PTPRN2: variants seen among roughly 807,000 people sequenced by gnomAD.
The protein encoded by PTPRN2 is protein tyrosine phosphatase receptor type N2.
PTPRN2 carries 74 observed loss-of-function variants against 118.8 expected under a neutral mutation model. The observed-to-expected ratio is 0.62, with a 90% CI of 0.52 to 0.76. The LOEUF (loss-of-function observed/expected upper bound fraction) is 0.76. PTPRN2 is among the 30% of genes least tolerant of loss of function. The pLI is 0.00. For synonymous variants in PTPRN2, 641 were observed against 608.0 expected, an observed-to-expected ratio of 1.05 and a Z score of -0.80; for missense variants, 1,481 against 1,394.4, an observed-to-expected ratio of 1.06 and a Z score of -0.99.
At chr7:158,190,478 C>A (rs1412241166) in intron 5 of PTPRN2, among the ~76,000 whole-genome samples, 1 of 152,224 alleles carries the variant, frequency 6.6e-6, no homozygotes, top group Non-Finnish European at 1.5e-5. Context: ...GGCTTTGGGG[C>A]ATGTTTTTCA....
At chr7:157,771,568 G>A (rs1802805547) in intron 12 of PTPRN2, among the ~76,000 whole-genome samples, 1 of 152,184 alleles carries the variant, frequency 6.6e-6, no homozygotes, top group Non-Finnish European at 1.5e-5. Flanking sequence ...TGCCCTCAGG[G>A]AGCTTACAAC....
At chr7:158,058,692 C>T (rs1309409473) in intron 11 of PTPRN2, among the ~76,000 whole-genome samples, 4 of 94,602 alleles carry the variant, frequency 4.2e-5, no homozygotes, top group South Asian at 5.4e-4. Flanking sequence ...CATCTGCCCA[C>T]GGTGACACAT....
At chr7:158,203,652 C>T (rs1361608159) in intron 4 of PTPRN2, among the ~76,000 whole-genome samples, 4 of 152,090 alleles carry the variant, frequency 2.6e-5, no homozygotes, top group African/African-American at 9.7e-5. Flanking sequence ...TTCTTCCAGC[C>T]CTCTATTTTT....
At position 158,151,515 on chromosome 7, in the gene PTPRN2, C is replaced by CTCCCTGCCCAT. The variant is rs1821147439; in HGVS notation, c.911-13001_911-13000insATGGGCAGGGA. Among the ~76,000 whole-genome samples, 12 of 12,098 alleles carry CTCCCTGCCCAT rather than the reference C, an allele frequency of 9.9e-4. 1 individual carries two copies. Among genetic ancestry groups the CTCCCTGCCCAT allele is most frequent in the Non-Finnish European group, 1.5e-3 (8 of 5,390 alleles). 7.9% of individuals were successfully genotyped at this position (12,098 alleles called of 152,430 possible). On this transcript the variant is annotated intron_variant, in intron 6 of 22. Transcript: ENST00000389418. The stretch of plus-strand genomic sequence containing the variant: ...CCACACCGCCCGCCTTTCTGCTCCT[C>CTCCCTGCCCAT]ACCGCACGTCCTACTCCAGGCGATC...
At position 157,617,075 on chromosome 7, in the gene PTPRN2, T is replaced by TA. The variant is rs1802821764; in HGVS notation, c.2344+4286_2344+4287insT. 6.6e-6 allele frequency: 1 copy of TA among 152,296 alleles called. No individual in the cohort carries two copies. The highest frequency in any genetic ancestry group is 1.5e-5 in the Non-Finnish European group (1 of 68,078). The allele number at this position is 152,296 out of a possible 1,614,324, so 9.4% of individuals were successfully genotyped here. On this transcript the variant is annotated intron_variant, in intron 15 of 22. Coordinates refer to ENST00000389418, the MANE Select transcript of PTPRN2 (RefSeq NM_002847.5). The surrounding 1 kb of genome is among the most constrained non-coding windows in gnomAD (Gnocchi z 7.5). ...CACTGGGGAGTCTGGATTTCAGCTCTGACGGGCGGGCTCTAAACCCCAAAG... is the reference window on the plus strand; with the variant it reads ...CACTGGGGAGTCTGGATTTCAGCTCTAGACGGGCGGGCTCTAAACCCCAAAG...
chr7:158,070,513 G>C (rs1811195223), intron 11 of PTPRN2, among the ~76,000 whole-genome samples: 1 of 141,764 alleles, frequency 7.1e-6, no homozygotes, highest in African/African-American at 2.8e-5. Flanking sequence ...TGGTGGTGGA[G>C]GTGCTCCTGG....
intron 11 of PTPRN2, among the ~76,000 whole-genome samples, chr7:157,934,655 G>A (rs1799592871): frequency 1.3e-5 from 2 of 152,216 alleles, no homozygotes; most frequent in African/African-American, 4.8e-5. Context: ...ACTTGGCGAT[G>A]ATGAGCAAAG....
chr7:158,407,193 G>C (rs370337645), intron 2 of PTPRN2, among the ~76,000 whole-genome samples: 1,103 of 27,228 alleles, frequency 0.041, 27 homozygotes, highest in East Asian at 0.16. Context: ...CTGGGTCCTG[G>C]GTCCTGGGTC....
At chr7:157,769,743 C>CGCGTTCCT (rs376405051) in intron 12 of PTPRN2, among the ~76,000 whole-genome samples, 10 of 152,348 alleles carry the variant, frequency 6.6e-5, no homozygotes, top group African/African-American at 2.4e-4. Context: ...TGTGGCTCAG[C>CGCGTTCCT]GCGTTCCTGC....
intron 12 of PTPRN2, among the ~76,000 whole-genome samples, chr7:157,821,372 T>C (rs1269937031): frequency 1.3e-5 from 2 of 152,180 alleles, no homozygotes; most frequent in Non-Finnish European, 2.9e-5. Context: ...TTTGGAGTTA[T>C]ACAGATGAAT....
chr7:157,670,787 C>CCACAGGCTGAACCTTGCTTTT (rs1796370892), intron 13 of PTPRN2, among the ~76,000 whole-genome samples: 1 of 152,242 alleles, frequency 6.6e-6, no homozygotes, highest in African/African-American at 2.4e-5. Flanking sequence ...TTGAGAGGCC[C>CCACAGGCTGAACCTTGCTTTT]CACAGGCTGA....
At chr7:157,775,619 C>T (rs1803158291) in intron 12 of PTPRN2, among the ~76,000 whole-genome samples, 1 of 152,188 alleles carries the variant, frequency 6.6e-6, no homozygotes, top group Non-Finnish European at 1.5e-5. Context: ...GGGAGTCGCC[C>T]AGGACAGCAA....
rs114325523 is a variant in PTPRN2 at position 158,157,752 on chromosome 7, C to T, written c.910+9179G>A. On this transcript the variant is annotated intron_variant, in intron 6 of 22. Transcript: ENST00000389418. ...GCTATATAAGCCACAGAGTGACCCC[C>T]CCAGCACCCCGGGTGCCCTCTCCTG... Among the ~76,000 whole-genome samples the T allele has an allele frequency of 7.0e-3, 1,073 of 152,314 alleles. 12 individuals carry two copies. The highest frequency in any genetic ancestry group is 0.024 in the African/African-American group (1,014 of 41,564).
chr7:157,624,281 C>T (rs1466127700), intron 14 of PTPRN2, among the ~76,000 whole-genome samples: 8 of 152,108 alleles, frequency 5.3e-5, no homozygotes, highest in Non-Finnish European at 2.9e-5. Flanking sequence ...ATTAGTCGGG[C>T]ATGGTGGCGG....
In PTPRN2 at chr7:157,627,529, C is replaced by T. The variant is rs556448384; in HGVS notation, c.2197-6020G>A. Among the ~76,000 whole-genome samples, 2 of 152,242 alleles carry T rather than the reference C, an allele frequency of 1.3e-5. No homozygotes were observed. The highest frequency in any genetic ancestry group is 2.1e-4 in the South Asian group (1 of 4,822). On this transcript the variant is annotated intron_variant, in intron 14 of 22. Transcript: ENST00000389418. The surrounding 1 kb of genome is among the most constrained non-coding windows in gnomAD (Gnocchi z 4.2). Reference sequence around the variant, plus strand: ...AGGAAGCGTTTGGAGGTGTGTCTTTCGTCTTTTAGAGCTGCTTGCTCTATA... The same window carrying T: ...AGGAAGCGTTTGGAGGTGTGTCTTTTGTCTTTTAGAGCTGCTTGCTCTATA...
chr7:158,491,932 G>A (rs1194425794), intron 1 of PTPRN2, among the ~76,000 whole-genome samples: 2 of 152,190 alleles, frequency 1.3e-5, no homozygotes, highest in African/African-American at 4.8e-5. Flanking sequence ...GGAACGTTCT[G>A]AGAGACACAC....
chr7:158,005,965 G>A (rs918669757), intron 11 of PTPRN2, among the ~76,000 whole-genome samples: 4 of 152,224 alleles, frequency 2.6e-5, no homozygotes, highest in African/African-American at 9.6e-5. Flanking sequence ...AGGGGTTTCT[G>A]CCTGCATCTG....
At chr7:158,130,934 C>T (rs1370635581) in intron 9 of PTPRN2, among the ~76,000 whole-genome samples, 1 of 151,110 alleles carries the variant, frequency 6.6e-6, no homozygotes, top group African/African-American at 2.4e-5. Flanking sequence ...CACACACATG[C>T]ATATGCACAA....
intron 3 of PTPRN2, among the ~76,000 whole-genome samples, chr7:158,270,311 T>A (rs1204928977): frequency 6.6e-6 from 1 of 151,922 alleles, no homozygotes; most frequent in Non-Finnish European, 1.5e-5. Context: ...AAAGGCCAGC[T>A]TTATAGGTGC....
Sources: gnomAD v4.1 joint callset for allele counts (sites outside exome capture counted in the v4.1 genomes callset) on GRCh38, gnomAD v4.1.1 for gene constraint, Gnocchi (gnomAD v3.1) non-coding constraint, MANE v1.5 for transcripts, NCBI Gene and HGNC (gene_info 2026-07-23, HGNC 2026-07-21) for gene names.